The following ROBO2 variants were observed in gnomAD, a reference collection of about 807,000 sequenced individuals.
ROBO2 encodes the protein roundabout homolog 2.
ROBO2 carries 53 observed loss-of-function variants against 160.8 expected under a neutral mutation model. The observed-to-expected ratio is 0.33, with a 90% CI of 0.26 to 0.41. The LOEUF (loss-of-function observed/expected upper bound fraction) is 0.41. Among genes scored for constraint, ROBO2 ranks in the 10% least tolerant of loss-of-function variants. The pLI, the probability that ROBO2 is intolerant of heterozygous loss-of-function variation, is 1.00. For missense variants in ROBO2, 1,577 were observed against 1,722.4 expected, an observed-to-expected ratio of 0.92 and a Z score of 1.49; for synonymous variants, 664 against 611.7, an observed-to-expected ratio of 1.09 and a Z score of -1.26.
intron 2 of ROBO2, among the ~76,000 whole-genome samples, chr3:76,462,905 G>C (rs2078162875): frequency 6.6e-6 from 1 of 151,990 alleles, no homozygotes; most frequent in Non-Finnish European, 1.5e-5. Flanking sequence ...TCCCTCTTTG[G>C]GCAAATTTTA....
chr3:77,008,760 G>A (rs114458095), intron 2 of ROBO2, among the ~76,000 whole-genome samples: 7 of 152,204 alleles, frequency 4.6e-5, no homozygotes, highest in East Asian at 1.9e-4. Flanking sequence ...AGGTTGGCAC[G>A]AATCATTTAG....
At chr3:77,043,107 G>T (rs1376031784) in intron 1 of ROBO2, among the ~76,000 whole-genome samples, 1 of 152,196 alleles carries the variant, frequency 6.6e-6, no homozygotes, top group Non-Finnish European at 1.5e-5. Flanking sequence ...GGGATGTGGA[G>T]AACACTGCCC....
chr3:77,121,957 A>C (rs1560054652), intron 2 of ROBO2, among the ~76,000 whole-genome samples: 1 of 152,042 alleles, frequency 6.6e-6, no homozygotes. Flanking sequence ...GGCAGGGTAG[A>C]TTTTTTTAAA....
intron 2 of ROBO2, among the ~76,000 whole-genome samples, chr3:76,663,186 T>C (rs1478304174): frequency 2.0e-5 from 3 of 152,166 alleles, no homozygotes; most frequent in Non-Finnish European, 4.4e-5. Flanking sequence ...AGATCAGGGA[T>C]GTCTCCAAGT....
In ROBO2 at chr3:77,371,248, A is replaced by T. The variant is rs79391232; in HGVS notation, c.389-106166A>T. ...ACAAAAGTCATCTCAAAACATAATTATGCACTTTTCTGAATGATTGCTTAA... is the reference window on the plus strand; with the variant it reads ...ACAAAAGTCATCTCAAAACATAATTTTGCACTTTTCTGAATGATTGCTTAA... On this transcript the variant is annotated intron_variant, in intron 2 of 25. Transcript: ENST00000461745. Among the ~76,000 whole-genome samples the T allele has an allele frequency of 7.2e-5, 11 of 152,310 alleles. No individual in the cohort carries two copies. The South Asian group carries it at 1.2e-3, about 17-fold the overall frequency.
intron 2 of ROBO2, among the ~76,000 whole-genome samples, chr3:76,855,563 AT>A (rs1450505623): frequency 1.3e-5 from 2 of 152,066 alleles, no homozygotes; most frequent in Non-Finnish European, 2.9e-5. Flanking sequence ...TGGTGTATAT[AT>A]TTTTTTCTTT....
At chr3:76,186,548 C>CCCAT (rs199561381) in intron 2 of ROBO2, among the ~76,000 whole-genome samples, 3,761 of 152,068 alleles carry the variant, frequency 0.025, 245 homozygotes, top group East Asian at 0.22. Context: ...CTCACTGGAT[C>CCCAT]CCATTCCTCT....
intron 2 of ROBO2, among the ~76,000 whole-genome samples, chr3:76,228,824 T>C (rs907753963): frequency 2.6e-5 from 4 of 152,254 alleles, no homozygotes; most frequent in East Asian, 1.9e-4. Context: ...TTCCATGAAA[T>C]TGGAAAATAT....
chr3:77,495,927 G>A (rs1363254657), intron 5 of ROBO2, among the ~76,000 whole-genome samples: 2 of 152,172 alleles, frequency 1.3e-5, no homozygotes, highest in Non-Finnish European at 2.9e-5. Flanking sequence ...CTTAATGTAG[G>A]TGTTAGGTCA....
chr3:76,794,032 G>C (rs913916731), intron 2 of ROBO2, among the ~76,000 whole-genome samples: 2 of 151,772 alleles, frequency 1.3e-5, no homozygotes, highest in Non-Finnish European at 2.9e-5. Context: ...ACCTTTCCCT[G>C]GAATAGGACT....
At chr3:77,270,165 T>A (rs2059397574) in intron 2 of ROBO2, among the ~76,000 whole-genome samples, 1 of 152,216 alleles carries the variant, frequency 6.6e-6, no homozygotes, top group Non-Finnish European at 1.5e-5. Flanking sequence ...GAGAAGCTTT[T>A]CTTTAAGAAC....
At chr3:76,698,997 G>T (rs1168702419) in intron 2 of ROBO2, among the ~76,000 whole-genome samples, 1 of 152,026 alleles carries the variant, frequency 6.6e-6, no homozygotes, top group Non-Finnish European at 1.5e-5. Flanking sequence ...AAAAATTAAA[G>T]AAATAAGGTC....
At chr3:76,310,389 A>G (rs1464443633) in intron 2 of ROBO2, among the ~76,000 whole-genome samples, 1 of 152,188 alleles carries the variant, frequency 6.6e-6, no homozygotes, top group Non-Finnish European at 1.5e-5. Flanking sequence ...TGCTTATGAT[A>G]TTCATGGTGG....
intron 2 of ROBO2, among the ~76,000 whole-genome samples, chr3:76,903,616 C>T (rs944800884): frequency 1.3e-5 from 2 of 152,114 alleles, no homozygotes; most frequent in Non-Finnish European, 2.9e-5. Flanking sequence ...CTCTCACAAA[C>T]TTCCCTTCAA....
At chr3:76,617,554 T>C (rs1416397580) in intron 2 of ROBO2, among the ~76,000 whole-genome samples, 1 of 152,126 alleles carries the variant, frequency 6.6e-6, no homozygotes, top group East Asian at 1.9e-4. Context: ...TATTTTTCAT[T>C]CAATAATTAG....
chr3:77,484,242 A>T (rs531376215), intron 4 of ROBO2, among the ~76,000 whole-genome samples: 1 of 152,016 alleles, frequency 6.6e-6, no homozygotes, highest in Non-Finnish European at 1.5e-5. Context: ...TATAGTCCCT[A>T]GAAGTTTACA....
rs192141799 is a variant in ROBO2, at chr3:76,622,933, T to A, written c.110-475081T>A. Among the ~76,000 whole-genome samples, 9 of 152,318 alleles carry A rather than the reference T, an allele frequency of 5.9e-5. No homozygotes were observed. The East Asian group carries it at 1.5e-3, about 26-fold the overall frequency. Reference sequence around the variant, plus strand: ...GATATCCAGTGACAGGCTTCCCCGATGTGAGAGCCTTCCTCCGCTGTGTAT... The same window carrying A: ...GATATCCAGTGACAGGCTTCCCCGAAGTGAGAGCCTTCCTCCGCTGTGTAT... On this transcript the variant is annotated intron_variant, in intron 2 of 26. Transcript: ENST00000487694.
intron 2 of ROBO2, among the ~76,000 whole-genome samples, chr3:75,977,402 G>A (rs971467105): frequency 2.0e-5 from 3 of 151,612 alleles, no homozygotes; most frequent in Non-Finnish European, 4.4e-5. Context: ...AGGTCAAATA[G>A]TTAATTGTAG....
At chr3:75,929,416 T>C (rs1221648550) in intron 1 of ROBO2, among the ~76,000 whole-genome samples, 1 of 152,128 alleles carries the variant, frequency 6.6e-6, no homozygotes, top group Non-Finnish European at 1.5e-5. Flanking sequence ...TTTGCTAAGT[T>C]CCATATTGCT....
Sources: gnomAD v4.1 joint callset for allele counts (sites outside exome capture counted in the v4.1 genomes callset) on GRCh38, gnomAD v4.1.1 for gene constraint, MANE v1.5 for transcripts, NCBI Gene and HGNC (gene_info 2026-07-23, HGNC 2026-07-21) for gene names.